The following EGFLAM variants were observed in gnomAD, a reference collection of about 807,000 sequenced individuals.
The protein encoded by EGFLAM is pikachurin.
Under a neutral mutation model 113.1 loss-of-function variants are expected in EGFLAM, and 79 were observed. The observed-to-expected ratio is 0.70, with a 90% CI of 0.58 to 0.84. EGFLAM has a LOEUF of 0.84. EGFLAM is among the 40% of genes least tolerant of loss of function. The pLI, the probability that EGFLAM is intolerant of heterozygous loss-of-function variation, is 0.00. For synonymous variants in EGFLAM, 504 were observed against 487.6 expected, an observed-to-expected ratio of 1.03 and a Z score of -0.44; for missense variants, 1,265 against 1,291.6, an observed-to-expected ratio of 0.98 and a Z score of 0.32.
chr5:38,356,156 G>A (rs889721760), intron 5 of EGFLAM, among the ~76,000 whole-genome samples: 2 of 152,158 alleles, frequency 1.3e-5, no homozygotes, highest in African/African-American at 4.8e-5. Context: ...TGTCTGGAAG[G>A]TTAGTTTCAA....
chr5:38,307,132 A>G (rs1758740867), intron 1 of EGFLAM, among the ~76,000 whole-genome samples: 1 of 152,234 alleles, frequency 6.6e-6, no homozygotes, highest in African/African-American at 2.4e-5. Context: ...CAGCCCAAAT[A>G]GAAGAATTGT....
intron 1 of EGFLAM, among the ~76,000 whole-genome samples, chr5:38,294,097 A>T (rs1339463004): frequency 5.3e-5 from 8 of 152,182 alleles, no homozygotes; most frequent in Non-Finnish European, 1.2e-4. Flanking sequence ...GGTCAGGCTG[A>T]TCTAGGCTGG....
chr5:38,424,930 T>C lies in EGFLAM; in HGVS notation c.1685-37T>C, dbSNP rs759400311. The C allele has an allele frequency of 4.3e-6, 7 of 1,609,538 alleles. No individual in the cohort carries two copies. The African/African-American group carries it at 6.7e-5, about 15-fold the overall frequency. ...CGCCACTGTGTTGGACTGGCACACA[T>C]GGAGGATTGGCTTTGTAATTCCCAT... On this transcript the variant is annotated intron_variant, in intron 12 of 21. Coordinates refer to ENST00000322350, the MANE Select transcript of EGFLAM (RefSeq NM_152403.4).
At chr5:38,272,951 G>A (rs958080367) in intron 1 of EGFLAM, among the ~76,000 whole-genome samples, 6 of 152,040 alleles carry the variant, frequency 3.9e-5, no homozygotes, top group Non-Finnish European at 5.9e-5. Flanking sequence ...GGTATAAGAT[G>A]GTGGAATAGG....
chr5:38,325,742 G>T (rs1329139028), intron 1 of EGFLAM, among the ~76,000 whole-genome samples: 1 of 151,878 alleles, frequency 6.6e-6, no homozygotes, highest in Non-Finnish European at 1.5e-5. Flanking sequence ...GGTTATTCCA[G>T]GAAAAATAAA....
At chr5:38,290,227 G>A (rs1029721551) in intron 1 of EGFLAM, among the ~76,000 whole-genome samples, 1 of 152,170 alleles carries the variant, frequency 6.6e-6, no homozygotes, top group Admixed American at 6.5e-5. Flanking sequence ...AGAGCCTGTA[G>A]AACAGCGCTC....
At chr5:38,376,660 A>G (rs2921221) in intron 6 of EGFLAM, among the ~76,000 whole-genome samples, 36,842 of 151,924 alleles carry the variant, frequency 0.24, 4,655 homozygotes, top group African/African-American at 0.3. Flanking sequence ...CTCCTTTCAG[A>G]TCCTAGCTCA....
intron 20 of EGFLAM, among the ~76,000 whole-genome samples, chr5:38,459,517 C>T (rs574556386): frequency 5.3e-5 from 8 of 152,258 alleles, no homozygotes; most frequent in Admixed American, 4.6e-4. Flanking sequence ...AACGAAATAG[C>T]AGGCTGAAAC....
At chr5:38,349,097 C>T (rs896579505) in intron 3 of EGFLAM, among the ~76,000 whole-genome samples, 1 of 152,068 alleles carries the variant, frequency 6.6e-6, no homozygotes, top group African/African-American at 2.4e-5. Context: ...GTAGGGATGC[C>T]CTTAATTCTT....
intron 1 of EGFLAM, among the ~76,000 whole-genome samples, chr5:38,291,573 A>G (rs892910007): frequency 2.0e-5 from 3 of 152,208 alleles, no homozygotes; most frequent in African/African-American, 7.2e-5. Flanking sequence ...GGAAATGTGT[A>G]CCTGTCATTA....
At chr5:38,310,855 C>T (rs1247081281) in intron 1 of EGFLAM, among the ~76,000 whole-genome samples, 2 of 152,152 alleles carry the variant, frequency 1.3e-5, no homozygotes, top group East Asian at 3.9e-4. Context: ...GAGTTGTTCA[C>T]GTGTGAGAAC....
chr5:38,362,624 A>G (rs1349636136), intron 5 of EGFLAM, among the ~76,000 whole-genome samples: 2 of 152,166 alleles, frequency 1.3e-5, no homozygotes, highest in Non-Finnish European at 2.9e-5. Flanking sequence ...GCTTGCTTGG[A>G]TGTCAGCTGG....
chr5:38,414,800 G>C (rs571255708), intron 11 of EGFLAM, among the ~76,000 whole-genome samples: 1 of 152,272 alleles, frequency 6.6e-6, no homozygotes, highest in Non-Finnish European at 1.5e-5. Flanking sequence ...GGGAAAGAAA[G>C]ATTTACTCCA....
In EGFLAM at chr5:38,453,451, G is replaced by T. The variant is rs565825773; in HGVS notation, c.2687+1993G>T. Among the ~76,000 whole-genome samples, 4 of 152,268 alleles carry T rather than the reference G, an allele frequency of 2.6e-5. No homozygotes were observed. In the South Asian group the frequency reaches 8.3e-4, roughly 32 times the overall value. ...GTTTGAATAAAAGGCATTTTGAGAG[G>T]AAATGTCACTTGTCCAATGTTATGC... On this transcript the variant is annotated intron_variant, in intron 19 of 21. Coordinates refer to ENST00000322350, the MANE Select transcript of EGFLAM (RefSeq NM_152403.4).
Position 38,397,986 on chromosome 5 carries a change from T to C in EGFLAM, c.713-8140T>C, listed in dbSNP as rs556721427. 5.3e-5 allele frequency among the ~76,000 whole-genome samples: 8 copies of C among 152,360 alleles called. No homozygotes were observed. The South Asian group carries it at 1.7e-3, about 32-fold the overall frequency. On this transcript the variant is annotated intron_variant, in intron 6 of 21. Coordinates refer to ENST00000322350, the MANE Select transcript of EGFLAM (RefSeq NM_152403.4). ...TCATTATAAGATCAGGCATAGATCCTGGTTCAGTCATTTTTTTGGCCAGGG... is the reference window on the plus strand; with the variant it reads ...TCATTATAAGATCAGGCATAGATCCCGGTTCAGTCATTTTTTTGGCCAGGG...
intron 6 of EGFLAM, among the ~76,000 whole-genome samples, chr5:38,382,883 G>A (rs539100951): frequency 6.6e-6 from 1 of 152,150 alleles, no homozygotes; most frequent in East Asian, 1.9e-4. Context: ...ATTTTAAAAT[G>A]TGATTGTGTC....
intron 19 of EGFLAM, among the ~76,000 whole-genome samples, chr5:38,454,543 C>G (rs183404295): frequency 2.0e-5 from 3 of 152,196 alleles, no homozygotes; most frequent in African/African-American, 7.2e-5. Flanking sequence ...GTCTTAGAAG[C>G]CTTTACCTCA....
Position 38,427,016 on chromosome 5 carries a change from C to G in EGFLAM, c.1818C>G (p.Thr606=). 1 of 1,613,898 alleles carries G rather than the reference C, an allele frequency of 6.2e-7. No homozygotes were observed. The highest frequency in any genetic ancestry group is 8.5e-7 in the Non-Finnish European group (1 of 1,179,976). The change falls in exon 14 of 22, where the codon ACC becomes ACG. Residue 606 remains threonine, a synonymous_variant. Coordinates refer to ENST00000322350, the MANE Select transcript of EGFLAM (RefSeq NM_152403.4). ...CCATGCTTGTTTTTTCAGCTTTCAC[C>G]TTGACCATTCCTCAGTTCAGAGAGT... The part of the protein sequence containing the change: ...FKGRHCEDAF[T]LTIPQFRESL...
intron 4 of EGFLAM, among the ~76,000 whole-genome samples, chr5:38,351,961 C>G (rs749263309): frequency 1.3e-5 from 2 of 152,124 alleles, no homozygotes. Flanking sequence ...GGGAGACCAG[C>G]TCTCATTGAC....
Sources: allele counts gnomAD v4.1 joint callset (sites outside exome capture counted in the v4.1 genomes callset), GRCh38; gene constraint gnomAD v4.1.1; transcripts MANE v1.5; gene names NCBI Gene and HGNC (gene_info 2026-07-23, HGNC 2026-07-21).